The following IL1RAPL2 variants were observed in gnomAD, a reference collection of about 807,000 sequenced individuals.
IL1RAPL2 encodes interleukin 1 receptor accessory protein like 2, also known as X-linked interleukin-1 receptor accessory protein-like 2.
Under a neutral mutation model 44.1 loss-of-function variants are expected in IL1RAPL2, and 3 were observed. That is an observed-to-expected ratio of 0.07 (90% CI 0.03 to 0.18). IL1RAPL2 has a LOEUF of 0.18. Ranked by LOEUF, IL1RAPL2 falls within the 10% of genes least tolerant of loss-of-function variation. The pLI is 1.00. For synonymous variants in IL1RAPL2, 181 were observed against 178.8 expected, an observed-to-expected ratio of 1.01 and a Z score of -0.10; for missense variants, 391 against 496.4, an observed-to-expected ratio of 0.79 and a Z score of 2.02.
chrX:105,101,578 A>G (rs2032671418), intron 2 of IL1RAPL2, among the ~76,000 whole-genome samples: 1 of 111,472 alleles, frequency 9.0e-6, no homozygotes, highest in African/African-American at 3.3e-5. Flanking sequence ...GATCTTAGTC[A>G]TGTTCAGTCA....
At chrX:105,555,267 A>C (rs2036888791) in intron 6 of IL1RAPL2, among the ~76,000 whole-genome samples, 1 of 110,071 alleles carries the variant, frequency 9.1e-6, no homozygotes, top group Admixed American at 9.8e-5. Flanking sequence ...CTGTCTCTTC[A>C]AGTCAGCAAG....
intron 5 of IL1RAPL2, among the ~76,000 whole-genome samples, chrX:105,452,694 T>C (rs888669082): frequency 1.8e-5 from 2 of 111,240 alleles, no homozygotes; most frequent in African/African-American, 6.5e-5. Flanking sequence ...ATTGATTGTC[T>C]TAAAGATTCT....
At chrX:104,724,513 A>G (rs1261234471) in intron 2 of IL1RAPL2, among the ~76,000 whole-genome samples, 1 of 111,551 alleles carries the variant, frequency 9.0e-6, no homozygotes, top group African/African-American at 3.3e-5. Flanking sequence ...ATAATGGCTA[A>G]TAATTCTTCA....
At chrX:105,563,978 A>G (rs1307375722) in intron 6 of IL1RAPL2, among the ~76,000 whole-genome samples, 1 of 111,615 alleles carries the variant, frequency 9.0e-6, no homozygotes, top group Non-Finnish European at 1.9e-5. Context: ...AATAGCTAAT[A>G]AACAACAGAA....
chrX:105,025,847 A>C lies in IL1RAPL2; in HGVS notation c.83-169628A>C, dbSNP rs190326832. On this transcript the variant is annotated intron_variant, in intron 2 of 10. Coordinates refer to ENST00000372582, the MANE Select transcript of IL1RAPL2 (RefSeq NM_017416.2). ...TTTAAGTAACTGCAGCTGTTTCTGC[A>C]GTCCAGGTGGGAAGAATAAAGACAT... Among the ~76,000 whole-genome samples the C allele has an allele frequency of 3.6e-5, 4 of 111,619 alleles. No homozygotes were observed. The Admixed American group carries it at 3.8e-4, about 11-fold the overall frequency.
At chrX:104,725,037 C>T (rs1399308760) in intron 2 of IL1RAPL2, among the ~76,000 whole-genome samples, 3 of 111,251 alleles carry the variant, frequency 2.7e-5, no homozygotes, top group South Asian at 7.6e-4. Flanking sequence ...CCTCCCCTAG[C>T]TCCCCAACCC....
At chrX:105,377,368 G>GTC (rs1456751518) in intron 5 of IL1RAPL2, among the ~76,000 whole-genome samples, 1 of 107,470 alleles carries the variant, frequency 9.3e-6, no homozygotes, top group Non-Finnish European at 1.9e-5. Flanking sequence ...ATGTGTGTGT[G>GTC]TCTGTGTGTG....
intron 8 of IL1RAPL2, among the ~76,000 whole-genome samples, chrX:105,747,514 G>A (rs868816435): frequency 0.035 from 1,727 of 49,853 alleles, 47 homozygotes; most frequent in African/African-American, 0.11. Flanking sequence ...GTGTGTGTGT[G>A]TGTATATATA....
At chrX:104,602,337 G>A (rs1305019479) in intron 1 of IL1RAPL2, among the ~76,000 whole-genome samples, 1 of 111,792 alleles carries the variant, frequency 8.9e-6, no homozygotes, top group East Asian at 2.8e-4. Flanking sequence ...CCGCAAACCA[G>A]GAGATTCCCT....
At chrX:105,671,885 T>C (rs182064593) in intron 6 of IL1RAPL2, among the ~76,000 whole-genome samples, 1 of 111,481 alleles carries the variant, frequency 9.0e-6, no homozygotes, top group East Asian at 2.8e-4. Flanking sequence ...GTAATTACTG[T>C]TCTATTTTCA....
At chrX:105,143,226 A>G (rs1007756804) in intron 2 of IL1RAPL2, among the ~76,000 whole-genome samples, 7 of 111,808 alleles carry the variant, frequency 6.3e-5, no homozygotes, top group Non-Finnish European at 1.3e-4. Flanking sequence ...AGAATCTACA[A>G]TGAACACAAA....
At chrX:105,632,977 C>A (rs1349934381) in intron 6 of IL1RAPL2, among the ~76,000 whole-genome samples, 1 of 111,740 alleles carries the variant, frequency 8.9e-6, no homozygotes, top group Admixed American at 9.5e-5. Context: ...TTTCTTAGTG[C>A]TCATGTGTGA....
At chrX:104,741,037 G>A (rs1309419054) in intron 2 of IL1RAPL2, among the ~76,000 whole-genome samples, 1 of 111,347 alleles carries the variant, frequency 9.0e-6, no homozygotes, top group Admixed American at 9.6e-5. Flanking sequence ...CTGCATGGAG[G>A]CATATACCTA....
chrX:104,796,390 C>G (rs777543505), intron 2 of IL1RAPL2, among the ~76,000 whole-genome samples: 2 of 111,528 alleles, frequency 1.8e-5, no homozygotes, highest in Non-Finnish European at 3.8e-5. Context: ...GGATATGAGA[C>G]GCTATGAGGA....
chrX:105,619,725 G>A (rs1388303352), intron 6 of IL1RAPL2, among the ~76,000 whole-genome samples: 3 of 110,999 alleles, frequency 2.7e-5, no homozygotes, highest in Non-Finnish European at 5.7e-5. Flanking sequence ...GAGAAAAATA[G>A]GTACATATAT....
At chrX:104,891,608 T>A (rs959475174) in intron 2 of IL1RAPL2, among the ~76,000 whole-genome samples, 6 of 112,036 alleles carry the variant, frequency 5.4e-5, no homozygotes, top group Admixed American at 3.8e-4. Flanking sequence ...CCATTATTGA[T>A]GTATAAGAAT....
At chrX:104,983,444 C>T (rs1303057463) in intron 2 of IL1RAPL2, among the ~76,000 whole-genome samples, 3 of 76,044 alleles carry the variant, frequency 3.9e-5, no homozygotes, top group Non-Finnish European at 7.0e-5. Flanking sequence ...ATAATAGATA[C>T]ATAATATTAT....
At chrX:104,955,833 G>A (rs925300405) in intron 2 of IL1RAPL2, among the ~76,000 whole-genome samples, 17 of 110,875 alleles carry the variant, frequency 1.5e-4, no homozygotes, top group African/African-American at 4.9e-4. Context: ...GCCAAACAGC[G>A]CATCATCAAT....
intron 1 of IL1RAPL2, among the ~76,000 whole-genome samples, chrX:104,569,441 G>A (rs988106313): frequency 5.4e-5 from 6 of 111,687 alleles, no homozygotes; most frequent in Admixed American, 1.9e-4. Context: ...GAACATTCTT[G>A]TTTGCCAATA....
Sources: gnomAD v4.1 joint callset for allele counts (sites outside exome capture counted in the v4.1 genomes callset) on GRCh38, gnomAD v4.1.1 for gene constraint, MANE v1.5 for transcripts, NCBI Gene and HGNC (gene_info 2026-07-23, HGNC 2026-07-21) for gene names.